The following HDAC4 variants were observed in gnomAD, a reference collection of about 807,000 sequenced individuals.
HDAC4 encodes histone deacetylase A.
A neutral mutation model predicts 135.1 loss-of-function variants in HDAC4; 16 were observed. That is an observed-to-expected ratio of 0.12 (90% confidence interval 0.08 to 0.18). The LOEUF (loss-of-function observed/expected upper bound fraction) is 0.18, where lower values mean the gene tolerates loss of function less well. HDAC4 is among the 10% of genes least tolerant of loss of function. The pLI, the probability that HDAC4 is intolerant of heterozygous loss-of-function variation, is 1.00. For missense variants in HDAC4, 1,143 were observed against 1,511.8 expected (o/e 0.76, Z 4.05); for synonymous variants, 685 against 653.4 (o/e 1.05, Z -0.74).
intron 15 of HDAC4, 22 bp from the exon 16 acceptor site, chr2:239,102,918 C>T (rs2152765968): frequency 6.2e-7 from 1 of 1,613,412 alleles, no homozygotes; most frequent in Middle Eastern, 1.7e-4. Flanking sequence ...GGCGAGAGGA[C>T]ACTCACACGT....
intron 9 of HDAC4, among the ~76,000 whole-genome samples, chr2:239,138,235 C>A (rs1009506186): frequency 6.6e-6 from 1 of 152,104 alleles, no homozygotes; most frequent in Non-Finnish European, 1.5e-5. Flanking sequence ...TAAAAGAAAT[C>A]GATGTATGAA....
intron 2 of HDAC4, among the ~76,000 whole-genome samples, chr2:239,271,658 G>A (rs59804962): frequency 0.063 from 9,552 of 152,306 alleles, 374 homozygotes; most frequent in African/African-American, 0.11. Context: ...CAAAGCCTGG[G>A]TGGCTGAGGC....
At chr2:239,393,620 TTCC>T (rs909679258) in intron 1 of HDAC4, among the ~76,000 whole-genome samples, 1 of 43,956 alleles carries the variant, frequency 2.3e-5, no homozygotes, top group Non-Finnish European at 4.4e-5. Context: ...CAGCCTCCCC[TTCC>T]TCCTCCTCAT....
chr2:239,225,166 CTT>C (rs1160513780), intron 3 of HDAC4, among the ~76,000 whole-genome samples: 2 of 152,200 alleles, frequency 1.3e-5, no homozygotes, highest in Non-Finnish European at 2.9e-5. Context: ...AAATAACTCT[CTT>C]GAGAAACACC....
At chr2:239,310,525 T>C (rs1388674282) in intron 2 of HDAC4, among the ~76,000 whole-genome samples, 1 of 152,226 alleles carries the variant, frequency 6.6e-6, no homozygotes, top group East Asian at 1.9e-4. Context: ...CCATGAGCCC[T>C]GCCTCCATGA....
Position 239,126,585 on chromosome 2 carries a change from C to T in HDAC4, c.1404G>A (p.Gly468=), listed in dbSNP as rs2040203934. The T allele has an allele frequency of 1.2e-6, 2 of 1,613,888 alleles. No homozygotes were observed. Among genetic ancestry groups the T allele is most frequent in the Non-Finnish European group, 1.7e-6 (2 of 1,179,992 alleles). Residue 468 remains glycine (G), a synonymous_variant, in exon 12 of 27, where the codon GGG becomes GGA. Transcript: ENST00000543185. ...GGGGCAGCGGGGCCGACTGGGTCCG[C>T]CCCAGTGGGCGGTGCTGCCGCAGCT... is the stretch of plus-strand genomic sequence containing the variant. ...IHKLRQHRPL[G]RTQSAPLPQN...
intron 20 of HDAC4, 34 bp from the exon 21 acceptor site, chr2:239,082,255 G>A (rs1243824123): frequency 6.2e-7 from 1 of 1,614,130 alleles, no homozygotes; most frequent in Non-Finnish European, 8.5e-7. Flanking sequence ...TCAGGGCTGA[G>A]GCAGGTATTG....
At chr2:239,144,399 C>T (rs1162958828) in intron 8 of HDAC4, among the ~76,000 whole-genome samples, 184 bp downstream of exon 8, 2 of 152,162 alleles carry the variant, frequency 1.3e-5, no homozygotes, top group African/African-American at 2.4e-5. Flanking sequence ...TTAGACATGC[C>T]GGAGTCATCA....
In HDAC4 at chr2:239,053,558, C is replaced by G. The variant is rs1056969628; in HGVS notation, c.3132G>C (p.Gly1044=). The G allele has an allele frequency of 6.2e-7, 1 of 1,613,838 alleles. No individual in the cohort carries two copies. The highest frequency in any genetic ancestry group is 1.3e-5 in the African/African-American group (1 of 74,942). ...AAGTCTGAGCCTCGATCAGAGAACG[C>G]CCCGCTGTGGAGGTTGTGCGCTGCA... ...RCLQRTTSTA[G]RSLIEAQTCE... is the part of the protein sequence containing the mutation. Residue 1044 remains glycine, a synonymous_variant, in exon 26 of 27, where the codon GGG becomes GGC. Transcript: ENST00000543185.
intron 6 of HDAC4, 85 bp from the exon 7 acceptor site, chr2:239,156,858 T>C: frequency 6.5e-7 from 1 of 1,545,104 alleles, no homozygotes; most frequent in Non-Finnish European, 8.9e-7. Flanking sequence ...CACACGATGA[T>C]CTTTCCCTTG....
intron 2 of HDAC4, among the ~76,000 whole-genome samples, chr2:239,311,433 C>A (rs6755156): frequency 0.21 from 31,507 of 152,226 alleles, 3,463 homozygotes; most frequent in Non-Finnish European, 0.22. Flanking sequence ...CTGTTCTGAT[C>A]CGCAGAACAC....
At chr2:239,075,841 C>A (rs1278417404) in intron 22 of HDAC4, among the ~76,000 whole-genome samples, 2 of 152,102 alleles carry the variant, frequency 1.3e-5, no homozygotes, top group Non-Finnish European at 2.9e-5. Context: ...CAGGTGCCAG[C>A]CACTCCCCTT....
At chr2:239,265,169 T>C (rs1439555045) in intron 2 of HDAC4, among the ~76,000 whole-genome samples, 1 of 152,116 alleles carries the variant, frequency 6.6e-6, no homozygotes, top group Non-Finnish European at 1.5e-5. Flanking sequence ...AGGTCACCCT[T>C]AACCCCCAAG....
At chr2:239,119,048 C>T (rs757389574) in intron 12 of HDAC4, among the ~76,000 whole-genome samples, 3 of 152,050 alleles carry the variant, frequency 2.0e-5, no homozygotes, top group African/African-American at 7.2e-5. Flanking sequence ...CAGGGGACCT[C>T]GAAGATGGCA....
chr2:239,163,452 T>A (rs2042938278), intron 6 of HDAC4, among the ~76,000 whole-genome samples: 1 of 152,030 alleles, frequency 6.6e-6, no homozygotes, highest in South Asian at 2.1e-4. Flanking sequence ...CCAGACCACG[T>A]CACTCTGGAG....
At chr2:239,148,943 A>G (rs755269889) in intron 7 of HDAC4, among the ~76,000 whole-genome samples, 2 of 152,156 alleles carry the variant, frequency 1.3e-5, no homozygotes, top group African/African-American at 4.8e-5. Flanking sequence ...TTCCGGAAAA[A>G]TTTCTACGAG....
At chr2:239,218,070 C>T (rs1006692872) in intron 3 of HDAC4, among the ~76,000 whole-genome samples, 53 of 152,152 alleles carry the variant, frequency 3.5e-4, no homozygotes, top group African/African-American at 1.0e-3. Flanking sequence ...CCAGCCTGGG[C>T]GACAGAGTGA....
At chr2:239,107,420 T>A (rs2038252067) in intron 15 of HDAC4, among the ~76,000 whole-genome samples, 3 of 152,082 alleles carry the variant, frequency 2.0e-5, no homozygotes, top group Admixed American at 6.5e-5. Flanking sequence ...AGCTGCAGCA[T>A]CCCCGAAGCC....
intron 2 of HDAC4, among the ~76,000 whole-genome samples, chr2:239,330,173 C>T (rs1481254828): frequency 6.6e-6 from 1 of 152,234 alleles, no homozygotes; most frequent in Non-Finnish European, 1.5e-5. Flanking sequence ...GGTACAGCTG[C>T]CTGGAGAGCC....
Sources: allele counts gnomAD v4.1 joint callset (sites outside exome capture counted in the v4.1 genomes callset), GRCh38; gene constraint gnomAD v4.1.1; transcripts MANE v1.5; gene names NCBI Gene and HGNC (gene_info 2026-07-23, HGNC 2026-07-21).